The following TBC1D32 variants were observed in gnomAD, a reference collection of about 807,000 sequenced individuals.
TBC1D32 encodes the protein protein broad-minded.
A neutral mutation model predicts 170.3 loss-of-function variants in TBC1D32; 151 were observed. That is an observed-to-expected ratio of 0.89 (90% confidence interval 0.78 to 1.01). The LOEUF (loss-of-function observed/expected upper bound fraction) is 1.01, where lower values mean the gene tolerates loss of function less well. Among genes scored for constraint, TBC1D32 ranks in the 50% least tolerant of loss-of-function variants. The probability of loss-of-function intolerance (pLI) is 0.00; values close to 1 mark genes in which losing one functional copy is unlikely to be tolerated. For synonymous variants in TBC1D32, 498 were observed against 488.0 expected (o/e 1.02, Z -0.27); for missense variants, 1,464 against 1,457.1 (o/e 1.00, Z -0.08).
intron 15 of TBC1D32, among the ~76,000 whole-genome samples, chr6:121,265,070 C>T (rs1285798304): frequency 6.6e-6 from 1 of 152,152 alleles, no homozygotes; most frequent in African/African-American, 2.4e-5. Context: ...CCAAGGCAAT[C>T]AGGCAATAGA....
rs1169840644 is a variant in TBC1D32 at position 121,288,602 on chromosome 6, A to C, written c.1372+3451T>G. Reference sequence around the variant, plus strand: ...AGGAGGAGCTGGTACCATTCCTTCTAAAACTATTCCAATCAATAGAAAAAG... The same window carrying C: ...AGGAGGAGCTGGTACCATTCCTTCTCAAACTATTCCAATCAATAGAAAAAG... On this transcript the variant is annotated intron_variant, in intron 12 of 31. Transcript: ENST00000398212. Among the ~76,000 whole-genome samples the C allele has an allele frequency of 3.3e-5, 5 of 152,200 alleles. No homozygotes were observed. In the South Asian group the frequency reaches 1.0e-3, roughly 32 times the overall value.
intron 17 of TBC1D32, among the ~76,000 whole-genome samples, chr6:121,244,764 A>G (rs1797400845): frequency 6.6e-6 from 1 of 152,220 alleles, no homozygotes; most frequent in Non-Finnish European, 1.5e-5. Flanking sequence ...GATATGGGTT[A>G]TGCAGGGTCC....
At chr6:121,317,781 A>AG in intron 2 of TBC1D32, 109 bp from the exon 3 acceptor site, 1 of 737,198 alleles carries the variant, frequency 1.4e-6, no homozygotes, top group African/African-American at 2.2e-5. Flanking sequence ...CCCTTTAAGA[A>AG]CACAATGCTA....
intron 24 of TBC1D32, among the ~76,000 whole-genome samples, chr6:121,138,251 C>T (rs939633715): frequency 6.6e-6 from 1 of 152,094 alleles, no homozygotes; most frequent in African/African-American, 2.4e-5. Context: ...CCATATCTTA[C>T]ATAGATTATT....
At chr6:121,257,722 G>GT (rs920209172) in intron 15 of TBC1D32, among the ~76,000 whole-genome samples, 26 of 151,310 alleles carry the variant, frequency 1.7e-4, no homozygotes, top group African/African-American at 3.9e-4. Context: ...TCAAACCCAT[G>GT]TTTTTTTTTA....
rs781291099 is a variant in TBC1D32 at position 121,334,463 on chromosome 6, C to G, written c.-33G>C. ...GAATCAAACGTCCACTCTCATTACTCCAGGTCCGAGCAAAAGCCGCGCACT... is the reference window on the plus strand; with the variant it reads ...GAATCAAACGTCCACTCTCATTACTGCAGGTCCGAGCAAAAGCCGCGCACT... On this transcript the variant is annotated 5_prime_UTR_variant, in exon 1 of 32. Coordinates refer to ENST00000398212, the MANE Select transcript of TBC1D32 (RefSeq NM_152730.6). 9 of 1,596,826 alleles carry G rather than the reference C, an allele frequency of 5.6e-6. No individual in the cohort carries two copies. Among genetic ancestry groups the G allele is most frequent in the Non-Finnish European group, 5.1e-6 (6 of 1,170,792 alleles).
chr6:121,138,211 T>G (rs1316272855), intron 24 of TBC1D32, among the ~76,000 whole-genome samples: 1 of 152,168 alleles, frequency 6.6e-6, no homozygotes, highest in Non-Finnish European at 1.5e-5. Flanking sequence ...CTCTATTTTG[T>G]GTGAACAACT....
In TBC1D32 at chr6:121,303,696, A is replaced by G. The variant is rs753557552; in HGVS notation, c.1001T>C (p.Val334Ala). The change falls in exon 9 of 32, where the codon GTT becomes GCT. Residue 334 changes from valine to alanine, a missense_variant. Val to Ala is a moderately conservative substitution (Grantham distance 64). This residue lies in a region of TBC1D32 where 1,363 missense variants were observed against 1,338.1 expected (regional missense o/e 1.02). Transcript: ENST00000398212. Reference sequence around the variant, plus strand: ...CGGATCCAAAATCTTTTGTGAGACAACATGGCTTTGATTATGTTTAACTGT... The same window carrying G: ...CGGATCCAAAATCTTTTGTGAGACAGCATGGCTTTGATTATGTTTAACTGT... ...LLTVKHNQSH[V>A]VSQKILDPIY... 3.1e-6 allele frequency: 5 copies of G among 1,597,732 alleles called. No individual in the cohort carries two copies. The South Asian group carries it at 5.6e-5, about 18-fold the overall frequency.
intron 15 of TBC1D32, among the ~76,000 whole-genome samples, chr6:121,266,111 G>C (rs896897723): frequency 6.6e-6 from 1 of 152,044 alleles, no homozygotes; most frequent in Non-Finnish European, 1.5e-5. Flanking sequence ...CAAAGCAAAA[G>C]AAACTATTAT....
intron 12 of TBC1D32, among the ~76,000 whole-genome samples, chr6:121,290,895 C>G (rs1458146650): frequency 2.6e-5 from 4 of 151,964 alleles, no homozygotes; most frequent in Admixed American, 2.6e-4. Context: ...CAAACTATCT[C>G]AAGGACAAAA....
chr6:121,322,313 GAC>G (rs1005066830), intron 1 of TBC1D32, among the ~76,000 whole-genome samples: 3 of 152,048 alleles, frequency 2.0e-5, no homozygotes, highest in South Asian at 2.1e-4. Context: ...TTAAATTCAA[GAC>G]ACACTTTGCC....
chr6:121,170,527 C>T lies in TBC1D32; in HGVS notation c.2571-9471G>A, dbSNP rs369786259. 5.3e-6 allele frequency: 8 copies of T among 1,521,690 alleles called. No homozygotes were observed. The Admixed American group carries it at 6.7e-5, about 13-fold the overall frequency. The allele number at this position is 1,521,690 out of a possible 1,614,324, so 94.3% of individuals were successfully genotyped here. On this transcript the variant is annotated intron_variant, in intron 22 of 31. Coordinates refer to ENST00000398212, the MANE Select transcript of TBC1D32 (RefSeq NM_152730.6). ...GATCACAGCATATCACACTTAATAACCTATATAAAAAAGAAAAATAAACGT... is the reference window on the plus strand; with the variant it reads ...GATCACAGCATATCACACTTAATAATCTATATAAAAAAGAAAAATAAACGT...
intron 22 of TBC1D32, among the ~76,000 whole-genome samples, chr6:121,172,566 C>A (rs141298343): frequency 0.024 from 3,659 of 152,220 alleles, 163 homozygotes; most frequent in East Asian, 0.12. Flanking sequence ...AAAACCATGA[C>A]CTGCTGAGGT....
intron 24 of TBC1D32, among the ~76,000 whole-genome samples, chr6:121,149,138 G>A (rs753352236): frequency 1.3e-5 from 2 of 152,014 alleles, no homozygotes; most frequent in Non-Finnish European, 2.9e-5. Flanking sequence ...TAAGTTCTTT[G>A]TAGATTCTGG....
chr6:121,310,962 G>T, intron 3 of TBC1D32, 115 bp from the exon 4 acceptor site: 1 of 675,212 alleles, frequency 1.5e-6, no homozygotes, highest in Non-Finnish European at 2.5e-6. Context: ...AAGAGAAGGA[G>T]ATGATCTATT....
chr6:121,220,476 G>T (rs1013992161), intron 21 of TBC1D32, among the ~76,000 whole-genome samples: 3 of 152,078 alleles, frequency 2.0e-5, no homozygotes, highest in Non-Finnish European at 4.4e-5. Context: ...CAGAAGAAAA[G>T]TTTGAAATTA....
At chr6:121,321,842 T>C in intron 1 of TBC1D32, 48 bp from the exon 2 acceptor site, 1 of 1,495,574 alleles carries the variant, frequency 6.7e-7, no homozygotes, top group Non-Finnish European at 9.0e-7. Flanking sequence ...CATAAGCATA[T>C]TCAGAAAAAA....
chr6:121,288,381 A>G (rs995718350), intron 12 of TBC1D32, among the ~76,000 whole-genome samples: 5 of 152,138 alleles, frequency 3.3e-5, no homozygotes, highest in African/African-American at 7.2e-5. Flanking sequence ...ACACCTCTAC[A>G]CAAATAAACT....
At chr6:121,095,378 A>T (rs1475849287) in intron 30 of TBC1D32, among the ~76,000 whole-genome samples, 1 of 152,222 alleles carries the variant, frequency 6.6e-6, no homozygotes, top group African/African-American at 2.4e-5. Context: ...AAAGGTTCTC[A>T]TAAGAACATT....
Sources: gnomAD v4.1 joint callset for allele counts (sites outside exome capture counted in the v4.1 genomes callset) on GRCh38, gnomAD v4.1.1 for gene constraint, gnomAD v4.1.1 regional missense constraint, MANE v1.5 for transcripts, NCBI Gene and HGNC (gene_info 2026-07-23, HGNC 2026-07-21) for gene names.